The following TOP2B variants were observed in gnomAD, a reference collection of about 807,000 sequenced individuals.
The protein encoded by TOP2B is DNA topoisomerase II beta.
A neutral mutation model predicts 193.5 loss-of-function variants in TOP2B; 51 were observed. The observed-to-expected ratio is 0.26, with a 90% CI of 0.21 to 0.33. The LOEUF (loss-of-function observed/expected upper bound fraction) is 0.33, where lower values mean the gene tolerates loss of function less well. Among genes scored for constraint, TOP2B ranks in the 10% least tolerant of loss-of-function variants. TOP2B has a pLI of 1.00. For synonymous variants in TOP2B, 634 were observed against 635.7 expected (o/e 1.00, Z 0.04); for missense variants, 1,378 against 1,909.3 (o/e 0.72, Z 5.19).
chr3:25,609,888 T>G (rs781230362), intron 28 of TOP2B, among the ~76,000 whole-genome samples, 176 bp from the exon 29 acceptor site: 2 of 152,194 alleles, frequency 1.3e-5, no homozygotes, highest in Middle Eastern at 3.2e-3. Flanking sequence ...TTATCTATAG[T>G]AAATAATATT....
At chr3:25,657,162 T>C (rs140114475) in intron 1 of TOP2B, among the ~76,000 whole-genome samples, 1 of 152,348 alleles carries the variant, frequency 6.6e-6, no homozygotes, top group East Asian at 1.9e-4. Context: ...GAGACTTTTA[T>C]ATGTTTTTGT....
At chr3:25,607,652 T>C (rs1049076385) in intron 30 of TOP2B, among the ~76,000 whole-genome samples, 7 of 152,164 alleles carry the variant, frequency 4.6e-5, no homozygotes, top group Non-Finnish European at 7.3e-5. Context: ...TAATAATTAA[T>C]CAAAAACACT....
Position 25,618,723 on chromosome 3 carries a change from C to T in TOP2B, c.3190G>A (p.Ala1064Thr). 1 of 1,613,396 alleles carries T rather than the reference C, an allele frequency of 6.2e-7. No homozygotes were observed. Among genetic ancestry groups the T allele is most frequent in the Non-Finnish European group, 8.5e-7 (1 of 1,179,652 alleles). Residue 1064 changes from alanine (A) to threonine (T), a missense_variant, in exon 24 of 36, where the codon GCA becomes ACA. Transcript: ENST00000264331. ...RKEWLVGMLGAESTKLNNQAR... is the reference protein window; with the variant it reads ...RKEWLVGMLGTESTKLNNQAR... ...TGATTGTTAAGCTTTGTAGATTCTG[C>T]TCCCAACATTCCCACAAGCCACTCC...
intron 1 of TOP2B, among the ~76,000 whole-genome samples, chr3:25,660,833 G>C (rs912513855): frequency 2.0e-5 from 3 of 152,068 alleles, no homozygotes; most frequent in African/African-American, 7.2e-5. Context: ...CAAAAAATGT[G>C]ACTTTTGAGA....
At chr3:25,664,108 T>G (rs1002770911) in intron 1 of TOP2B, 121 bp downstream of exon 1, 6 of 1,433,438 alleles carry the variant, frequency 4.2e-6, no homozygotes, top group Middle Eastern at 2.4e-4. Flanking sequence ...CAGGCCCCTA[T>G]GGAGCGCCCG....
chr3:25,628,539 A>G (rs1288401428), intron 15 of TOP2B, among the ~76,000 whole-genome samples: 1 of 152,192 alleles, frequency 6.6e-6, no homozygotes, highest in Non-Finnish European at 1.5e-5. Context: ...AAATTCTTTC[A>G]GAAATACATA....
In TOP2B at chr3:25,626,547, AAAT is replaced by A; in HGVS notation, c.2224+10_2224+12del. The A allele has an allele frequency of 7.2e-7, 1 of 1,387,916 alleles. No homozygotes were observed. The highest frequency in any genetic ancestry group is 9.7e-7 in the Non-Finnish European group (1 of 1,029,112). 86.0% of individuals were successfully genotyped at this position (1,387,916 alleles called of 1,614,324 possible). A position where few individuals can be genotyped will look rare whatever the true frequency, so the allele number is the denominator to read the frequency against. Reference sequence around the variant, plus strand: ...AATAACATTAAAAAATGAGGTTTTTAAATATTACTCACCATCAACAAGAGATGG... The same window carrying A: ...AATAACATTAAAAAATGAGGTTTTTAATTACTCACCATCAACAAGAGATGG... On this transcript the variant is annotated intron_variant, in intron 18 of 35. Coordinates refer to ENST00000264331, the MANE Select transcript of TOP2B (RefSeq NM_001330700.2).
At position 25,645,471 on chromosome 3, in the gene TOP2B, C is replaced by T. The variant is rs1389080812; in HGVS notation, c.70-1G>A. Reference sequence around the variant, plus strand: ...CAGCATTGTTCTGATCAAAAAGAGTCTAAAATTAACCAAAAAATCAAATTT... The same window carrying T: ...CAGCATTGTTCTGATCAAAAAGAGTTTAAAATTAACCAAAAAATCAAATTT... On this transcript the variant is annotated splice_acceptor_variant, in intron 1 of 35. Coordinates refer to ENST00000264331, the MANE Select transcript of TOP2B (RefSeq NM_001330700.2). LOFTEE classifies it high-confidence loss of function. 1.3e-6 allele frequency: 2 copies of T among 1,593,060 alleles called. No homozygotes were observed. The highest frequency in any genetic ancestry group is 1.1e-5 in the South Asian group (1 of 87,226).
intron 33 of TOP2B, 21 bp from the exon 34 acceptor site, chr3:25,601,246 T>C (rs1702086285): frequency 6.2e-7 from 1 of 1,607,890 alleles, no homozygotes; most frequent in Non-Finnish European, 8.5e-7. Flanking sequence ...AATTTCCATT[T>C]CACAGGTCAA....
intron 25 of TOP2B, among the ~76,000 whole-genome samples, chr3:25,617,418 GTAAT>G (rs1292245444): frequency 4.6e-5 from 7 of 152,186 alleles, no homozygotes; most frequent in Admixed American, 4.6e-4. Flanking sequence ...ATCTTAATAT[GTAAT>G]TGCTATTCTA....
chr3:25,604,487 C>A (rs933197522), intron 33 of TOP2B, among the ~76,000 whole-genome samples: 1 of 152,146 alleles, frequency 6.6e-6, no homozygotes, highest in African/African-American at 2.4e-5. Context: ...ATCTCCATTA[C>A]AACCTAACCA....
At chr3:25,640,199 G>T (rs1487089194) in intron 4 of TOP2B, among the ~76,000 whole-genome samples, 1 of 152,002 alleles carries the variant, frequency 6.6e-6, no homozygotes, top group African/African-American at 2.4e-5. Flanking sequence ...ATGACTATGG[G>T]ACAAAATTCA....
chr3:25,652,945 T>G (rs182198249), intron 1 of TOP2B, among the ~76,000 whole-genome samples: 1 of 151,812 alleles, frequency 6.6e-6, no homozygotes, highest in Non-Finnish European at 1.5e-5. Context: ...ATAACTAAAA[T>G]TAGAAACGAA....
At chr3:25,620,851 TCTTGAGTACCAGTACCATGAGTCTATG>T (rs750023223) in intron 21 of TOP2B, 35 bp from the exon 22 acceptor site, 3 of 1,604,948 alleles carry the variant, frequency 1.9e-6, no homozygotes, top group South Asian at 1.1e-5. Flanking sequence ...TTGACTTCTC[TCTTGAGTACCAGTACCATGAGTCTATG>T]GTCTAACATT....
At chr3:25,653,335 A>C (rs1362208779) in intron 1 of TOP2B, among the ~76,000 whole-genome samples, 1 of 152,148 alleles carries the variant, frequency 6.6e-6, no homozygotes, top group Non-Finnish European at 1.5e-5. Context: ...CTACAGAACA[A>C]TACCCGTGAT....
At chr3:25,645,262 C>A in intron 2 of TOP2B, 38 bp downstream of exon 2, 2 of 1,455,012 alleles carry the variant, frequency 1.4e-6, no homozygotes, top group Non-Finnish European at 9.2e-7. Flanking sequence ...AATATAGATG[C>A]ACATCTCCTA....
At chr3:25,618,251 T>A in intron 25 of TOP2B, 167 bp downstream of exon 25, 1 of 597,138 alleles carries the variant, frequency 1.7e-6, no homozygotes, top group Non-Finnish European at 3.0e-6. Flanking sequence ...GTACTATAAA[T>A]TCCTGTACTT....
intron 34 of TOP2B, among the ~76,000 whole-genome samples, chr3:25,600,260 A>G (rs1702055344): frequency 6.6e-6 from 1 of 152,170 alleles, no homozygotes; most frequent in South Asian, 2.1e-4. Flanking sequence ...TAAAACAACT[A>G]AATAGCAATT....
At chr3:25,630,516 C>T in intron 11 of TOP2B, 47 bp from the exon 12 acceptor site, 1 of 1,419,360 alleles carries the variant, frequency 7.0e-7, no homozygotes, top group Non-Finnish European at 9.4e-7. Flanking sequence ...CTCATACTTT[C>T]ACTGATGAGA....
Sources: gnomAD v4.1 joint callset for allele counts (sites outside exome capture counted in the v4.1 genomes callset) on GRCh38, gnomAD v4.1.1 for gene constraint, MANE v1.5 for transcripts, NCBI Gene and HGNC (gene_info 2026-07-23, HGNC 2026-07-21) for gene names.